Variants in CLECL1 observed in about 807,000 individuals in gnomAD.
CLECL1 encodes C-type lectin like 1, also known as C-type lectin-like domain family 1.
Position 9,730,083 on chromosome 12 carries a change from A to C in CLECL1, n.83-407T>G, listed in dbSNP as rs183281878. ...TCCTGTGATATAGCATTGTAATTCCATAAAACCATACATTTAAACATAAAA... is the reference window on the plus strand; with the variant it reads ...TCCTGTGATATAGCATTGTAATTCCCTAAAACCATACATTTAAACATAAAA... On this transcript the variant is annotated intron_variant and non_coding_transcript_variant, in intron 1 of 3. Coordinates refer to ENST00000621400, the Ensembl canonical transcript of CLECL1. 1.3e-3 allele frequency among the ~76,000 whole-genome samples: 200 copies of C among 152,320 alleles called. 4 individuals carry two copies. The highest frequency in any genetic ancestry group is 4.4e-4 in the Non-Finnish European group (30 of 68,028).
downstream of CLECL1, among the ~76,000 whole-genome samples, chr12:9,721,683 T>G (rs905805964): frequency 1.3e-5 from 2 of 152,234 alleles, no homozygotes; most frequent in Non-Finnish European, 2.9e-5. Context: ...GTTGATTCTT[T>G]AGACAACACT....
chr12:9,726,938 T>A (rs1335198627), intron 3 of CLECL1, among the ~76,000 whole-genome samples: 2 of 151,878 alleles, frequency 1.3e-5, no homozygotes, highest in Non-Finnish European at 3.0e-5. Flanking sequence ...TAAACACCAA[T>A]GTAAAATCTT....
At chr12:9,715,877 G>A (rs1866234017) in exon 3 of CLECL1, 1 of 152,298 alleles carries the variant, frequency 6.6e-6, no homozygotes, top group Non-Finnish European at 1.5e-5. Flanking sequence ...GTCACACTGG[G>A]TCCGGTTCCT....
intron 1 of CLECL1, among the ~76,000 whole-genome samples, chr12:9,730,551 A>G (rs1866434970): frequency 6.6e-6 from 1 of 152,248 alleles, no homozygotes; most frequent in Non-Finnish European, 1.5e-5. Flanking sequence ...CATCTTTAAT[A>G]GGAATTTGTT....
At chr12:9,707,772 T>G in the CLECL1 span, among the ~76,000 whole-genome samples, 1 of 152,244 alleles carries the variant, frequency 6.6e-6, no homozygotes, top group African/African-American at 2.4e-5. Context: ...CTTCTCTTTC[T>G]GTGGGTAAGA....
downstream of CLECL1, among the ~76,000 whole-genome samples, chr12:9,713,889 G>A (rs948499378): frequency 2.0e-5 from 3 of 152,152 alleles, no homozygotes; most frequent in Admixed American, 1.3e-4. Flanking sequence ...GATTGAGTCC[G>A]TGCCACACTT....
intron 1 of CLECL1, among the ~76,000 whole-genome samples, chr12:9,730,804 C>T (rs957740479): frequency 2.0e-5 from 3 of 152,078 alleles, no homozygotes; most frequent in Non-Finnish European, 2.9e-5. Context: ...ATCTTACTGC[C>T]TCAGCCTCCT....
At chr12:9,731,955 A>C (rs954147642) in intron 1 of CLECL1, among the ~76,000 whole-genome samples, 1 of 152,302 alleles carries the variant, frequency 6.6e-6, no homozygotes, top group South Asian at 2.1e-4. Context: ...GTTCTAGTCC[A>C]TGTTATTTTT....
downstream of CLECL1, among the ~76,000 whole-genome samples, chr12:9,719,934 A>G (rs1180000997): frequency 6.6e-6 from 1 of 152,248 alleles, no homozygotes; most frequent in East Asian, 1.9e-4. Flanking sequence ...TACTTGGCAC[A>G]TTCTTATTTC....
intron 3 of CLECL1, among the ~76,000 whole-genome samples, chr12:9,726,075 C>CT (rs1866375766): frequency 6.6e-6 from 1 of 151,878 alleles, no homozygotes; most frequent in Non-Finnish European, 1.5e-5. Flanking sequence ...TTAATTTTTC[C>CT]TTATGAATCC....
intron 3 of CLECL1, among the ~76,000 whole-genome samples, chr12:9,724,492 T>C (rs1009497359): frequency 2.6e-5 from 4 of 152,062 alleles, no homozygotes; most frequent in African/African-American, 9.7e-5. Context: ...GATGAAAAAA[T>C]AGGATACCTC....
At chr12:9,724,999 G>A (rs748715990) in intron 3 of CLECL1, among the ~76,000 whole-genome samples, 1 of 152,056 alleles carries the variant, frequency 6.6e-6, no homozygotes, top group African/African-American at 2.4e-5. Context: ...AACTATGGGG[G>A]CTAGAATACA....
downstream of CLECL1, among the ~76,000 whole-genome samples, chr12:9,711,786 A>G (rs913992185): frequency 6.6e-6 from 1 of 151,894 alleles, no homozygotes; most frequent in Non-Finnish European, 1.5e-5. Context: ...GGTCTCATCT[A>G]TGGGCTGCTT....
chr12:9,731,701 G>C (rs1401837816), intron 1 of CLECL1, among the ~76,000 whole-genome samples: 1 of 152,070 alleles, frequency 6.6e-6, no homozygotes, highest in African/African-American at 2.4e-5. Context: ...CATATAGTTC[G>C]TTTTCTCATT....
At chr12:9,732,813 T>C (rs1425000942) in intron 1 of CLECL1, 136 bp downstream of exon 1, 3 of 692,148 alleles carry the variant, frequency 4.3e-6, no homozygotes, top group Non-Finnish European at 7.0e-6. Context: ...ACATTCGCTC[T>C]TATTCTTAGC....
At chr12:9,722,838 TA>T (rs781172034) in intron 3 of CLECL1, 25 bp from the exon 2 acceptor site, 1 of 1,550,502 alleles carries the variant, frequency 6.4e-7, no homozygotes, top group South Asian at 1.2e-5. Flanking sequence ...GATAAGCAAT[TA>T]AAATCAATGT....
chr12:9,730,759 TG>T (rs931520373), intron 1 of CLECL1, among the ~76,000 whole-genome samples: 2 of 151,874 alleles, frequency 1.3e-5, no homozygotes, highest in Non-Finnish European at 2.9e-5. Context: ...GCATGATCAC[TG>T]CTCACTGCAA....
downstream of CLECL1, among the ~76,000 whole-genome samples, chr12:9,711,419 C>T (rs150553126): frequency 3.8e-3 from 581 of 152,156 alleles, no homozygotes; most frequent in Non-Finnish European, 6.4e-3. Flanking sequence ...GAGTTAACTG[C>T]TCTTCATTAA....
chr12:9,732,317 T>C (rs777740283), intron 1 of CLECL1, among the ~76,000 whole-genome samples: 3 of 152,320 alleles, frequency 2.0e-5, no homozygotes, highest in South Asian at 4.1e-4. Flanking sequence ...GAAATTTCCT[T>C]AATACTTCAA....
Sources: allele counts gnomAD v4.1 joint callset (sites outside exome capture counted in the v4.1 genomes callset), GRCh38; gene constraint gnomAD v4.1.1; transcripts MANE v1.5; gene names NCBI Gene and HGNC (gene_info 2026-07-23, HGNC 2026-07-21).